EHBP1: variants seen among roughly 807,000 people sequenced by gnomAD.
The protein encoded by EHBP1 is EH domain binding protein 1.
Under a neutral mutation model 144.0 loss-of-function variants are expected in EHBP1, and 55 were observed. The ratio of observed to expected loss-of-function variants is 0.38; its 90% CI spans 0.31 to 0.48. The LOEUF is 0.48. Ranked by LOEUF, EHBP1 falls within the 20% of genes least tolerant of loss-of-function variation. EHBP1 has a pLI of 0.98. For synonymous variants in EHBP1, 469 were observed against 472.7 expected, an observed-to-expected ratio of 0.99 and a Z score of 0.10; for missense variants, 1,200 against 1,364.2, an observed-to-expected ratio of 0.88 and a Z score of 1.90.
rs1432559322 is a variant in EHBP1, at chr2:63,045,370, T to C, written c.3393-40T>C. ...CTGCTCTGCCCTCCACGAAGAAAAATAATTTTGTTTCCTGTTTGTCCTGTT... is the reference window on the plus strand; with the variant it reads ...CTGCTCTGCCCTCCACGAAGAAAAACAATTTTGTTTCCTGTTTGTCCTGTT... On this transcript the variant is annotated intron_variant, in intron 22 of 22. Transcript: ENST00000431489. The surrounding 1 kb of genome is among the most constrained non-coding windows in gnomAD (Gnocchi z 5.7). The C allele has an allele frequency of 1.3e-6, 2 of 1,592,262 alleles. No individual in the cohort carries two copies. Among genetic ancestry groups the C allele is most frequent in the Non-Finnish European group, 1.7e-6 (2 of 1,160,442 alleles).
At position 62,744,936 on chromosome 2, in the gene EHBP1, T is replaced by C. The variant is rs1366638240; in HGVS notation, c.105-2459T>C. Among the ~76,000 whole-genome samples, 6 of 152,088 alleles carry C rather than the reference T, an allele frequency of 3.9e-5. No homozygotes were observed. In the East Asian group the frequency reaches 1.2e-3, roughly 29 times the overall value. On this transcript the variant is annotated intron_variant, in intron 2 of 22. Transcript: ENST00000431489. ...GAGTCACCTGTGAAATTTAAAAAAC[T>C]GCACACCAGACCAATTAAATCAGAT... is the stretch of plus-strand genomic sequence containing the variant.
At chr2:62,719,441 C>T (rs1272653547) in intron 2 of EHBP1, among the ~76,000 whole-genome samples, 2 of 151,954 alleles carry the variant, frequency 1.3e-5, no homozygotes, top group Non-Finnish European at 2.9e-5. Context: ...CTGTCTTTTG[C>T]CAAGGGCCAT....
At chr2:62,881,931 A>T (rs1475274150) in intron 10 of EHBP1, among the ~76,000 whole-genome samples, 2 of 152,178 alleles carry the variant, frequency 1.3e-5, no homozygotes, top group Admixed American at 1.3e-4. Context: ...TCAGAGGGAT[A>T]AAGGAAAGAT....
chr2:62,726,368 A>G (rs777969645), intron 2 of EHBP1, among the ~76,000 whole-genome samples: 3 of 152,188 alleles, frequency 2.0e-5, no homozygotes, highest in Admixed American at 6.5e-5. Context: ...GAGGCCTGGA[A>G]TGATTACTGG....
At chr2:62,864,089 C>T (rs2049862451) in intron 8 of EHBP1, among the ~76,000 whole-genome samples, 1 of 151,998 alleles carries the variant, frequency 6.6e-6, no homozygotes, top group African/African-American at 2.4e-5. Context: ...CTCAAGTGAT[C>T]TACCCACCTC....
chr2:62,942,728 T>C lies in EHBP1; in HGVS notation c.1196T>C (p.Ile399Thr), dbSNP rs771044902. Residue 399 changes from isoleucine (I) to threonine (T), a missense_variant, in exon 11 of 23, where the codon ATA becomes ACA. Coordinates refer to ENST00000431489, the MANE Select transcript of EHBP1 (RefSeq NM_001142616.3). ...DLSTSPKPSP[I>T]PSPVLGRKPN... Reference sequence around the variant, plus strand: ...TTCATTTTTTTCTAGCCAAGCCCTATACCAAGTCCTGTTTTGGGGCGAAAG... The same window carrying C: ...TTCATTTTTTTCTAGCCAAGCCCTACACCAAGTCCTGTTTTGGGGCGAAAG... 5.0e-6 allele frequency: 8 copies of C among 1,602,892 alleles called. No homozygotes were observed. The African/African-American group carries it at 1.1e-4, about 21-fold the overall frequency.
intron 10 of EHBP1, among the ~76,000 whole-genome samples, chr2:62,877,829 G>T (rs2051021550): frequency 6.6e-6 from 1 of 152,126 alleles, no homozygotes; most frequent in Admixed American, 6.5e-5. Flanking sequence ...CACAGCTAAA[G>T]CAGTATTAAG....
At chr2:62,851,645 A>G (rs1302043184) in intron 7 of EHBP1, among the ~76,000 whole-genome samples, 1 of 152,228 alleles carries the variant, frequency 6.6e-6, no homozygotes. Context: ...ATAAATGCTT[A>G]TTAAATAGAT....
chr2:62,757,283 C>T (rs2040371348), intron 3 of EHBP1, among the ~76,000 whole-genome samples: 1 of 152,006 alleles, frequency 6.6e-6, no homozygotes, highest in South Asian at 2.1e-4. Flanking sequence ...CACCACCATG[C>T]TGGGCTAATT....
chr2:62,983,546 CTG>C (rs1414086890), intron 15 of EHBP1, among the ~76,000 whole-genome samples: 2 of 152,044 alleles, frequency 1.3e-5, no homozygotes, highest in African/African-American at 4.8e-5. Context: ...ATTTTTGCCT[CTG>C]TTTATTTTTT....
chr2:63,018,076 A>G (rs568170212), intron 19 of EHBP1, among the ~76,000 whole-genome samples: 1 of 152,258 alleles, frequency 6.6e-6, no homozygotes, highest in East Asian at 1.9e-4. Flanking sequence ...GAGGCAGGAG[A>G]ATTGCTTGAG....
At chr2:62,856,375 C>T (rs1032332456) in intron 7 of EHBP1, among the ~76,000 whole-genome samples, 1 of 152,204 alleles carries the variant, frequency 6.6e-6, no homozygotes, top group African/African-American at 2.4e-5. Flanking sequence ...GTTCCCAGTG[C>T]CAGATGTGGA....
intron 7 of EHBP1, among the ~76,000 whole-genome samples, chr2:62,850,049 A>G (rs1386969105): frequency 6.6e-6 from 1 of 152,206 alleles, no homozygotes; most frequent in African/African-American, 2.4e-5. Context: ...TTATTAAAAC[A>G]GACTGAGACA....
At chr2:62,674,547 G>A (rs1196957828) in intron 1 of EHBP1, among the ~76,000 whole-genome samples, 1 of 152,104 alleles carries the variant, frequency 6.6e-6, no homozygotes, top group East Asian at 1.9e-4. Context: ...GGGTTGTTTG[G>A]TTAACCCTAC....
At position 62,922,049 on chromosome 2, in the gene EHBP1, C is replaced by T. The variant is rs1270416014; in HGVS notation, c.1186-20669C>T. ...AATTAGCCAGGCATGGTGGCAGGCA[C>T]CTGTAATCCCAGCTACTCAGGAGGC... On this transcript the variant is annotated intron_variant, in intron 10 of 22. Coordinates refer to ENST00000431489, the MANE Select transcript of EHBP1 (RefSeq NM_001142616.3). Among the ~76,000 whole-genome samples, 4 of 152,214 alleles carry T rather than the reference C, an allele frequency of 2.6e-5. No homozygotes were observed. The East Asian group carries it at 7.7e-4, about 29-fold the overall frequency.
chr2:62,975,199 A>G (rs1425640820), intron 14 of EHBP1, among the ~76,000 whole-genome samples: 4 of 152,214 alleles, frequency 2.6e-5, no homozygotes, highest in Non-Finnish European at 4.4e-5. Flanking sequence ...CTCTCGCTAT[A>G]TGACTGCTGG....
chr2:62,848,939 A>G (rs907945231), intron 7 of EHBP1, among the ~76,000 whole-genome samples: 1 of 152,216 alleles, frequency 6.6e-6, no homozygotes, highest in Non-Finnish European at 1.5e-5. Flanking sequence ...TGTAAAAATT[A>G]TAGTAAATAT....
At chr2:62,681,120 C>A (rs1347986833) in intron 1 of EHBP1, among the ~76,000 whole-genome samples, 1 of 151,260 alleles carries the variant, frequency 6.6e-6, no homozygotes, top group African/African-American at 2.4e-5. Flanking sequence ...TGAGACCAGC[C>A]TGGCCAACAT....
At chr2:62,953,770 T>C (rs1558974175) in intron 13 of EHBP1, among the ~76,000 whole-genome samples, 1 of 151,154 alleles carries the variant, frequency 6.6e-6, no homozygotes, top group African/African-American at 2.4e-5. Context: ...CCAGGAAAAT[T>C]AAAAAAAAAC....
Sources: gnomAD v4.1 joint callset for allele counts (sites outside exome capture counted in the v4.1 genomes callset) on GRCh38, gnomAD v4.1.1 for gene constraint, Gnocchi (gnomAD v3.1) non-coding constraint, MANE v1.5 for transcripts, NCBI Gene and HGNC (gene_info 2026-07-23, HGNC 2026-07-21) for gene names.